The following APOA1 variants were observed in gnomAD, a reference collection of about 807,000 sequenced individuals.
APOA1 encodes apolipoprotein A1, also known as apolipoprotein A-I.
APOA1 carries 22 observed loss-of-function variants against 25.9 expected under a neutral mutation model. The observed-to-expected ratio is 0.85, with a 90% CI of 0.61 to 1.21. The LOEUF (loss-of-function observed/expected upper bound fraction) is 1.21, where lower values mean the gene tolerates loss of function less well. Among genes scored for constraint, APOA1 ranks in the 50% most tolerant of loss-of-function variants. The probability of loss-of-function intolerance (pLI) is 0.00; values close to 1 mark genes in which losing one functional copy is unlikely to be tolerated. For missense variants in APOA1, 351 were observed against 347.9 expected, an observed-to-expected ratio of 1.01 and a Z score of -0.07; for synonymous variants, 163 against 152.2, an observed-to-expected ratio of 1.07 and a Z score of -0.52.
rs758483455 is a variant in APOA1, at chr11:116,836,235, T to C, written c.377A>G (p.Asp126Gly). ...EVKAKVQPYL[D>G]DFQKKWQEEM... ...CTCCTGCCACTTCTTCTGGAAGTCGTCCAGGTAGGGCTGCACCTTGGCCTT... is the reference window on the plus strand; with the variant it reads ...CTCCTGCCACTTCTTCTGGAAGTCGCCCAGGTAGGGCTGCACCTTGGCCTT... Residue 126 changes from aspartate to glycine, a missense_variant, in exon 4 of 4, where the codon GAC becomes GGC. Physicochemically the swap from Asp to Gly is moderately conservative, Grantham distance 94 (BLOSUM62 -1). Coordinates refer to ENST00000236850, the MANE Select transcript of APOA1 (RefSeq NM_000039.3). 2 of 1,614,030 alleles carry C rather than the reference T, an allele frequency of 1.2e-6. No individual in the cohort carries two copies. Among genetic ancestry groups the C allele is most frequent in the East Asian group, 4.5e-5 (2 of 44,884 alleles).
intron 1 of APOA1, 66 bp from the exon 2 acceptor site, chr11:116,837,473 A>C: frequency 6.8e-7 from 1 of 1,480,260 alleles, no homozygotes; most frequent in South Asian, 1.2e-5. Context: ...GTGCTCCCCC[A>C]CTCATTGCAG....
rs1941543021 is a variant in APOA1 at position 116,836,186 on chromosome 11, C to T, written c.426G>A (p.Lys142=). The T allele has an allele frequency of 6.2e-7, 1 of 1,613,772 alleles. No homozygotes were observed. ...WQEEMELYRQ[K]VEPLRAELQE... ...GGAGCTCTGCGCGCAGCGGCTCCAC[C>T]TTCTGGCGGTAGAGCTCCATCTCCT... The change falls in exon 4 of 4, where the codon AAG becomes AAA. Residue 142 remains lysine, a synonymous_variant. Coordinates refer to ENST00000236850, the MANE Select transcript of APOA1 (RefSeq NM_000039.3).
chr11:116,836,683 G>A (rs1051955189), intron 3 of APOA1, among the ~76,000 whole-genome samples: 5 of 152,234 alleles, frequency 3.3e-5, no homozygotes, highest in African/African-American at 1.2e-4. Context: ...TATGCCTCCA[G>A]CGCATTCTCC....
At position 116,837,053 on chromosome 11, in the gene APOA1, C is replaced by T. The variant is rs28931574; in HGVS notation, c.148G>A (p.Gly50Ser). The T allele has an allele frequency of 2.2e-5, 35 of 1,614,162 alleles. No homozygotes were observed. Among genetic ancestry groups the T allele is most frequent in the Admixed American group, 6.7e-5 (4 of 60,030 alleles). Reference protein sequence around the residue: ...TVYVDVLKDSGRDYVSQFEGS... With the variant: ...TVYVDVLKDSSRDYVSQFEGS... ...TCAAACTGGGACACATAGTCTCTGC[C>T]GCTGTCTTTGAGCACATCCACGTAC... The change falls in exon 3 of 4, where the codon GGC becomes AGC. Residue 50 changes from glycine to serine, a missense_variant. Gly to Ser is a moderately conservative substitution (Grantham distance 56, BLOSUM62 0). Transcript: ENST00000236850.
intron 2 of APOA1, 54 bp from the exon 3 acceptor site, chr11:116,837,211 C>T (rs1941576177): frequency 1.2e-6 from 2 of 1,607,064 alleles, no homozygotes; most frequent in Non-Finnish European, 1.7e-6. Flanking sequence ...GAGATCTGAG[C>T]CGAAAGGCCA....
chr11:116,837,304 A>G lies in APOA1; in HGVS notation c.43+41T>C, dbSNP rs5070. 0.64 allele frequency: 1,010,300 copies of G among 1,583,486 alleles called. 332,812 individuals are homozygous for G. Among genetic ancestry groups the G allele is most frequent in the Non-Finnish European group, 0.69 (806,437 of 1,163,664 alleles). On this transcript the variant is annotated intron_variant, in intron 2 of 3. Coordinates refer to ENST00000236850, the MANE Select transcript of APOA1 (RefSeq NM_000039.3). ...GTGGGCCACGGGGATTTAGGGAGAA[A>G]GCCCCCCGATGGTTGGCTCCCTAGG...
chr11:116,836,342 A>G lies in APOA1; in HGVS notation c.270T>C (p.Pro90=). 1 of 1,614,134 alleles carries G rather than the reference A, an allele frequency of 6.2e-7. No individual in the cohort carries two copies. The highest frequency in any genetic ancestry group is 8.5e-7 in the Non-Finnish European group (1 of 1,180,028). ...GGTTATCCCAGAACTCCTGGGTCACAGGGCCGAGCTGTTCGCGCAGCTTGC... is the reference window on the plus strand; with the variant it reads ...GGTTATCCCAGAACTCCTGGGTCACGGGGCCGAGCTGTTCGCGCAGCTTGC... The part of the protein sequence containing the change: ...TFSKLREQLG[P]VTQEFWDNLE... Residue 90 remains proline (P), a synonymous_variant, in exon 4 of 4, where the codon CCT becomes CCC. Transcript: ENST00000236850.
At position 116,835,807 on chromosome 11, in the gene APOA1, C is replaced by T; in HGVS notation, c.*1G>A. 6.2e-7 allele frequency: 1 copy of T among 1,613,096 alleles called. No homozygotes were observed. Among genetic ancestry groups the T allele is most frequent in the African/African-American group, 1.3e-5 (1 of 75,070 alleles). The stretch of plus-strand genomic sequence containing the variant: ...CGGGAAGGGGGGCGGCGGCGGGCGC[C>T]TCACTGGGTGTTGAGCTTCTTAGTG... On this transcript the variant is annotated 3_prime_UTR_variant, in exon 4 of 4. Coordinates refer to ENST00000236850, the MANE Select transcript of APOA1 (RefSeq NM_000039.3).
At chr11:116,837,237 G>T (rs1941577832) in intron 2 of APOA1, 80 bp from the exon 3 acceptor site, 4 of 1,583,276 alleles carry the variant, frequency 2.5e-6, no homozygotes, top group Non-Finnish European at 3.5e-6. Context: ...GGAGGTGGGG[G>T]AGAGGGGGCC....
chr11:116,836,556 C>T (rs1391981855), intron 3 of APOA1, 145 bp from the exon 4 acceptor site: 3 of 1,165,496 alleles, frequency 2.6e-6, no homozygotes, highest in African/African-American at 1.5e-5. Context: ...CCCCGCCAGG[C>T]CATGCCCCGT....
At position 116,837,607 on chromosome 11, in the gene APOA1, C is replaced by A; in HGVS notation, c.-23G>T. On this transcript the variant is annotated splice_region_variant and 5_prime_UTR_variant, in exon 1 of 4. Coordinates refer to ENST00000236850, the MANE Select transcript of APOA1 (RefSeq NM_000039.3). ...CCGGGGCAGGCAGCAGGACGCACCT[C>A]CTTCTCGCAGTCTCTAAGCAGCCAG... 1.6e-6 allele frequency: 1 copy of A among 614,074 alleles called. No individual in the cohort carries two copies. Among genetic ancestry groups the A allele is most frequent in the South Asian group, 1.9e-5 (1 of 51,282 alleles). 38.0% of individuals were successfully genotyped at this position (614,074 alleles called of 1,614,324 possible). A position where few individuals can be genotyped will look rare whatever the true frequency, so the allele number is the denominator to read the frequency against.
intron 1 of APOA1, 21 bp from the exon 2 acceptor site, chr11:116,837,428 G>A: frequency 1.3e-6 from 2 of 1,551,944 alleles, no homozygotes; most frequent in South Asian, 1.2e-5. Context: ...AGAAGGGCCT[G>A]GCTGAGTGGG....
chr11:116,837,190 A>C (rs1681227081), intron 2 of APOA1, 33 bp from the exon 3 acceptor site: 1 of 1,608,942 alleles, frequency 6.2e-7, no homozygotes, highest in Non-Finnish European at 8.5e-7. Flanking sequence ...AGATCAGGCC[A>C]GCTGTGGGCT....
chr11:116,835,781 C>T lies in APOA1; in HGVS notation c.*27G>A, dbSNP rs370384954. ...ACTTTGGAAACGTTTATTCTGAGCA[C>T]CGGGAAGGGGGGCGGCGGCGGGCGC... On this transcript the variant is annotated 3_prime_UTR_variant, in exon 4 of 4. Coordinates refer to ENST00000236850, the MANE Select transcript of APOA1 (RefSeq NM_000039.3). The T allele has an allele frequency of 1.9e-5, 30 of 1,612,874 alleles. No individual in the cohort carries two copies. The highest frequency in any genetic ancestry group is 2.5e-5 in the Non-Finnish European group (30 of 1,180,004).
intron 3 of APOA1, 42 bp from the exon 4 acceptor site, chr11:116,836,453 G>A (rs201232147): frequency 1.5e-4 from 241 of 1,609,044 alleles, no homozygotes; most frequent in Non-Finnish European, 1.9e-4. Flanking sequence ...GCCTCCCAGC[G>A]CCCCAGCCTA....
chr11:116,836,120 C>A lies in APOA1; in HGVS notation c.492G>T (p.Lys164Asn). The A allele has an allele frequency of 6.2e-7, 1 of 1,612,454 alleles. No individual in the cohort carries two copies. The highest frequency in any genetic ancestry group is 8.5e-7 in the Non-Finnish European group (1 of 1,179,948). ...ARQKLHELQE[K>N]LSPLGEEMRD... ...GCATCTCCTCGCCCAGTGGGCTCAG[C>A]TTCTCTTGCAGCTCGTGCAGCTTCT... The change falls in exon 4 of 4, where the codon AAG becomes AAT. Residue 164 changes from lysine to asparagine, a missense_variant. Physicochemically the swap from Lys to Asn is moderately conservative, Grantham distance 94. Coordinates refer to ENST00000236850, the MANE Select transcript of APOA1 (RefSeq NM_000039.3).
rs1941536509 is a variant in APOA1 at position 116,836,064 on chromosome 11, AGCGCGTCCAC to A, written c.538_547del (p.Val180CysfsTer42). 6.2e-7 allele frequency: 1 copy of A among 1,605,234 alleles called. No individual in the cohort carries two copies. Among genetic ancestry groups the A allele is most frequent in the African/African-American group, 1.3e-5 (1 of 74,836 alleles). On this transcript the variant is annotated frameshift_variant, in exon 4 of 4. Transcript: ENST00000236850. LOFTEE classifies it high-confidence loss of function. ...GCTGTAGGGGGCCAGATGCGTGCGC[AGCGCGTCCAC>A]ATGGGCGCGCGCGCGGTCGCGCATC... is the stretch of plus-strand genomic sequence containing the variant.
Position 116,836,470 on chromosome 11 carries a change from G to T in APOA1, c.201-59C>A, listed in dbSNP as rs113196602. 6.5e-5 allele frequency: 105 copies of T among 1,603,580 alleles called. 1 individual carries two copies. The African/African-American group carries it at 1.3e-3, about 21-fold the overall frequency. On this transcript the variant is annotated intron_variant, in intron 3 of 3. Coordinates refer to ENST00000236850, the MANE Select transcript of APOA1 (RefSeq NM_000039.3). ...CTCCCAGCGCCCCAGCCTATCAGGG[G>T]TGAGCCCTGGGTGACACCTGTCCGC...
In APOA1 at chr11:116,837,075, G is replaced by A. The variant is rs1591331259; in HGVS notation, c.126C>T (p.Tyr42=). The A allele has an allele frequency of 4.3e-6, 7 of 1,613,986 alleles. No homozygotes were observed. The highest frequency in any genetic ancestry group is 2.7e-5 in the African/African-American group (2 of 74,926). The change falls in exon 3 of 4, where the codon TAC becomes TAT. Residue 42 remains tyrosine (Y), a synonymous_variant. Transcript: ENST00000236850. ...WDRVKDLATV[Y]VDVLKDSGRD... ...TGCCGCTGTCTTTGAGCACATCCAC[G>A]TACACAGTGGCCAGGTCCTTCACTC...
Sources: allele counts gnomAD v4.1 joint callset (sites outside exome capture counted in the v4.1 genomes callset), GRCh38; gene constraint gnomAD v4.1.1; transcripts MANE v1.5; gene names NCBI Gene and HGNC (gene_info 2026-07-23, HGNC 2026-07-21).